Variants in MED12L observed in about 807,000 individuals in gnomAD.
MED12L encodes mediator complex subunit 12L.
A neutral mutation model predicts 281.3 loss-of-function variants in MED12L; 60 were observed. The ratio of observed to expected loss-of-function variants is 0.21; its 90% CI spans 0.17 to 0.26. The LOEUF (loss-of-function observed/expected upper bound fraction) is 0.26, where lower values mean the gene tolerates loss of function less well. Ranked by LOEUF, MED12L falls within the 10% of genes least tolerant of loss-of-function variation. MED12L has a pLI of 1.00. For synonymous variants in MED12L, 974 were observed against 987.2 expected, an observed-to-expected ratio of 0.99 and a Z score of 0.25; for missense variants, 2,146 against 2,680.9, an observed-to-expected ratio of 0.80 and a Z score of 4.41.
chr3:151,285,101 T>C lies in MED12L; in HGVS notation c.2251-64958T>C, dbSNP rs542779853. Among the ~76,000 whole-genome samples, 394 of 152,386 alleles carry C rather than the reference T, an allele frequency of 2.6e-3. 3 individuals carry two copies. Among genetic ancestry groups the C allele is most frequent in the Admixed American group, 7.0e-3 (107 of 15,310 alleles). On this transcript the variant is annotated intron_variant, in intron 16 of 44. Transcript: ENST00000687756. ...TGGATGGAGTTAGAGATCATTATTC[T>C]TAATGAAGTAACTCAGGAATGGAAA...
chr3:151,339,617 T>C (rs1042947335), intron 16 of MED12L, among the ~76,000 whole-genome samples: 3 of 151,950 alleles, frequency 2.0e-5, no homozygotes, highest in South Asian at 2.1e-4. Flanking sequence ...TTCTTGAATA[T>C]CATTCAGTAT....
chr3:151,257,443 A>G (rs1463356962), intron 16 of MED12L, among the ~76,000 whole-genome samples: 1 of 152,234 alleles, frequency 6.6e-6, no homozygotes, highest in Non-Finnish European at 1.5e-5. Flanking sequence ...CGGCTGAGTT[A>G]CACATTAGCT....
intron 16 of MED12L, among the ~76,000 whole-genome samples, chr3:151,222,434 C>A (rs1405201204): frequency 6.6e-6 from 1 of 152,260 alleles, no homozygotes; most frequent in Non-Finnish European, 1.5e-5. Flanking sequence ...CCCTTAATTT[C>A]CATGTGTTGT....
At chr3:151,214,252 T>G in intron 16 of MED12L, 1 of 1,614,064 alleles carries the variant, frequency 6.2e-7, no homozygotes, top group Non-Finnish European at 8.5e-7. Flanking sequence ...AATGATCTGC[T>G]GAGTGATCAG....
chr3:151,337,486 G>T, intron 16 of MED12L: 1 of 241,436 alleles, frequency 4.1e-6, no homozygotes, highest in Non-Finnish European at 8.1e-6. Flanking sequence ...GAACGATAAT[G>T]TATTTTAAAA....
intron 16 of MED12L, among the ~76,000 whole-genome samples, chr3:151,295,638 A>G (rs1744980363): frequency 6.6e-6 from 1 of 152,186 alleles, no homozygotes; most frequent in Non-Finnish European, 1.5e-5. Context: ...CCCTCTTTGA[A>G]TATATCTTCC....
intron 16 of MED12L, chr3:151,294,413 C>T: frequency 6.2e-7 from 1 of 1,614,118 alleles, no homozygotes; most frequent in Non-Finnish European, 8.5e-7. Flanking sequence ...GTCTAAGTGA[C>T]TAAAAGTAAA....
chr3:151,410,377 G>T (rs772744955), intron 40 of MED12L, among the ~76,000 whole-genome samples: 1 of 152,188 alleles, frequency 6.6e-6, no homozygotes, highest in Non-Finnish European at 1.5e-5. Context: ...AGCCCACATT[G>T]GCCTACACAG....
At chr3:151,230,121 C>T (rs564824840) in intron 16 of MED12L, among the ~76,000 whole-genome samples, 1 of 152,296 alleles carries the variant, frequency 6.6e-6, no homozygotes, top group South Asian at 2.1e-4. Context: ...AGGTGCCCGC[C>T]ACCACGCCTG....
At chr3:151,328,068 A>C in intron 16 of MED12L, 1 of 1,610,050 alleles carries the variant, frequency 6.2e-7, no homozygotes, top group Non-Finnish European at 8.5e-7. Flanking sequence ...CCTTGCATAC[A>C]TGGTAGCTTT....
intron 11 of MED12L, among the ~76,000 whole-genome samples, chr3:151,168,027 A>C (rs1302192907): frequency 6.6e-6 from 1 of 152,166 alleles, no homozygotes; most frequent in African/African-American, 2.4e-5. Flanking sequence ...GAGTGTATGC[A>C]CTGGCTAACT....
chr3:151,345,965 A>G (rs1205641428), intron 16 of MED12L, among the ~76,000 whole-genome samples: 1 of 152,196 alleles, frequency 6.6e-6, no homozygotes, highest in Non-Finnish European at 1.5e-5. Context: ...AATGCTAAGA[A>G]AGGAATACTG....
intron 16 of MED12L, among the ~76,000 whole-genome samples, chr3:151,308,859 C>T (rs951939916): frequency 6.6e-6 from 1 of 152,096 alleles, no homozygotes; most frequent in Non-Finnish European, 1.5e-5. Flanking sequence ...CTTAACCAAA[C>T]CTTAATGCTG....
At chr3:151,087,183 C>T (rs1001104072) in intron 2 of MED12L, among the ~76,000 whole-genome samples, 158 bp downstream of exon 2, 1 of 152,206 alleles carries the variant, frequency 6.6e-6, no homozygotes, top group Non-Finnish European at 1.5e-5. Flanking sequence ...GGCGACCCCC[C>T]GGCGGCGGAG....
At chr3:151,355,089 G>A in intron 17 of MED12L, 32 bp from the exon 18 acceptor site, 1 of 1,534,692 alleles carries the variant, frequency 6.5e-7, no homozygotes, top group Non-Finnish European at 9.0e-7. Flanking sequence ...CTATTAAATG[G>A]AAAATAATGG....
chr3:151,217,650 C>T (rs2149247650), intron 16 of MED12L, among the ~76,000 whole-genome samples: 1 of 152,314 alleles, frequency 6.6e-6, no homozygotes, highest in East Asian at 1.9e-4. Context: ...TACCCTGTGC[C>T]ACTGTCTGGT....
intron 11 of MED12L, among the ~76,000 whole-genome samples, chr3:151,184,989 G>C (rs1723100429): frequency 6.6e-6 from 1 of 152,084 alleles, no homozygotes; most frequent in Non-Finnish European, 1.5e-5. Flanking sequence ...AGCTGTTCTT[G>C]ACAGTCAGTG....
chr3:151,333,393 C>T (rs905258157), intron 16 of MED12L, among the ~76,000 whole-genome samples: 16 of 152,320 alleles, frequency 1.1e-4, no homozygotes, highest in African/African-American at 3.4e-4. Flanking sequence ...CTCTCCACAA[C>T]CTCACCAGTA....
intron 16 of MED12L, among the ~76,000 whole-genome samples, chr3:151,304,427 A>G (rs1407445676): frequency 6.6e-6 from 1 of 152,152 alleles, no homozygotes; most frequent in Non-Finnish European, 1.5e-5. Flanking sequence ...TACAAAAATT[A>G]GCTGGGCATG....
Sources: gnomAD v4.1 joint callset for allele counts (sites outside exome capture counted in the v4.1 genomes callset) on GRCh38, gnomAD v4.1.1 for gene constraint, MANE v1.5 for transcripts, NCBI Gene and HGNC (gene_info 2026-07-23, HGNC 2026-07-21) for gene names.